Variants in MEIS2 observed in about 807,000 individuals in gnomAD.
MEIS2 encodes Meis homeobox 2.
Under a neutral mutation model 58.6 loss-of-function variants are expected in MEIS2, and 9 were observed. The ratio of observed to expected loss-of-function variants is 0.15; its 90% confidence interval spans 0.09 to 0.27. MEIS2 has a LOEUF of 0.27. Among genes scored for constraint, MEIS2 ranks in the 10% least tolerant of loss-of-function variants. The pLI is 1.00. For missense variants in MEIS2, 427 were observed against 635.0 expected (o/e 0.67, Z 3.52); for synonymous variants, 221 against 228.4 (o/e 0.97, Z 0.29).
intron 8 of MEIS2, among the ~76,000 whole-genome samples, chr15:37,000,975 G>A (rs538808877): frequency 6.6e-6 from 1 of 152,002 alleles, no homozygotes; most frequent in Non-Finnish European, 1.5e-5. Flanking sequence ...AGACTCTACA[G>A]ACCGAAAGGT....
intron 8 of MEIS2, among the ~76,000 whole-genome samples, chr15:36,988,637 A>T (rs72710617): frequency 0.061 from 9,291 of 152,296 alleles, 399 homozygotes; most frequent in South Asian, 0.088. Context: ...GAAGGAAAAG[A>T]TTTATTAAAG....
intron 7 of MEIS2, among the ~76,000 whole-genome samples, chr15:37,055,983 A>G (rs929996648): frequency 3.3e-5 from 5 of 152,200 alleles, no homozygotes; most frequent in Non-Finnish European, 5.9e-5. Context: ...GAATATCTTT[A>G]TTAGCATCAA....
At chr15:37,081,694 C>T (rs1319434932) in intron 7 of MEIS2, among the ~76,000 whole-genome samples, 1 of 151,634 alleles carries the variant, frequency 6.6e-6, no homozygotes, top group Non-Finnish European at 1.5e-5. Context: ...TTTTTTCTTT[C>T]AAACTTCGAT....
At chr15:37,003,902 A>G (rs940410972) in intron 8 of MEIS2, among the ~76,000 whole-genome samples, 1 of 152,196 alleles carries the variant, frequency 6.6e-6, no homozygotes, top group Non-Finnish European at 1.5e-5. Flanking sequence ...ACCGGGAAGT[A>G]AGCCGTCACC....
chr15:36,942,696 TC>T (rs1178619712), intron 9 of MEIS2, among the ~76,000 whole-genome samples: 3 of 152,076 alleles, frequency 2.0e-5, no homozygotes, highest in Non-Finnish European at 4.4e-5. Context: ...AGCACTTATT[TC>T]TCTGAGAGTG....
chr15:36,953,482 G>A (rs933421324), intron 8 of MEIS2, among the ~76,000 whole-genome samples: 1 of 152,174 alleles, frequency 6.6e-6, no homozygotes, highest in South Asian at 2.1e-4. Flanking sequence ...TCTGTTCACT[G>A]TTGGGGGCCA....
chr15:36,948,800 C>T (rs987025178), intron 9 of MEIS2, among the ~76,000 whole-genome samples: 8 of 151,854 alleles, frequency 5.3e-5, no homozygotes, highest in Non-Finnish European at 1.2e-4. Context: ...CACTATGAAG[C>T]GCCTATCAAT....
At chr15:37,002,257 C>T (rs1555447977) in intron 8 of MEIS2, among the ~76,000 whole-genome samples, 2 of 151,428 alleles carry the variant, frequency 1.3e-5, no homozygotes, top group Admixed American at 6.6e-5. Context: ...CTCCAGCCCC[C>T]ACCCCCACCC....
chr15:36,975,941 T>C (rs892616781), intron 8 of MEIS2, among the ~76,000 whole-genome samples: 4 of 152,250 alleles, frequency 2.6e-5, no homozygotes, highest in Non-Finnish European at 5.9e-5. Context: ...TTCCACAATG[T>C]ATATGTATTT....
chr15:37,053,446 G>A (rs541723667), intron 7 of MEIS2, among the ~76,000 whole-genome samples: 1 of 152,250 alleles, frequency 6.6e-6, no homozygotes, highest in Non-Finnish European at 1.5e-5. Context: ...CTTCATAGCT[G>A]TAAAACTATT....
At position 36,994,783 on chromosome 15, in the gene MEIS2, C is replaced by T. The variant is rs571989001; in HGVS notation, c.900+42031G>A. On this transcript the variant is annotated intron_variant, in intron 8 of 11. Transcript: ENST00000561208. ...AATACATAGAACCATGAATTATATT[C>T]CACAGCATCCCTTTTAAAGTGCGTT... Among the ~76,000 whole-genome samples, 25 of 152,290 alleles carry T rather than the reference C, an allele frequency of 1.6e-4. No individual in the cohort carries two copies. In the South Asian group the frequency reaches 5.2e-3, roughly 32 times the overall value.
At chr15:37,064,965 C>A (rs1397078986) in intron 7 of MEIS2, among the ~76,000 whole-genome samples, 1 of 152,116 alleles carries the variant, frequency 6.6e-6, no homozygotes, top group Non-Finnish European at 1.5e-5. Context: ...CTTTTTAGAT[C>A]TTTAGCACAG....
chr15:37,071,039 C>T (rs962980469), intron 7 of MEIS2, among the ~76,000 whole-genome samples: 2 of 151,970 alleles, frequency 1.3e-5, no homozygotes, highest in Non-Finnish European at 2.9e-5. Context: ...GTCACTACCC[C>T]CATTCAAAAT....
At chr15:37,072,195 T>C (rs1000624730) in intron 7 of MEIS2, among the ~76,000 whole-genome samples, 1 of 152,136 alleles carries the variant, frequency 6.6e-6, no homozygotes, top group Non-Finnish European at 1.5e-5. Flanking sequence ...TTTTTAAAAA[T>C]GTAAACCCCA....
intron 8 of MEIS2, among the ~76,000 whole-genome samples, chr15:36,995,143 C>T (rs1484585916): frequency 2.6e-5 from 4 of 152,180 alleles, no homozygotes; most frequent in Non-Finnish European, 5.9e-5. Context: ...CCCAACGATG[C>T]AACAAACGTC....
chr15:36,950,216 C>T lies in MEIS2; in HGVS notation c.977+108G>A, dbSNP rs181935615. 67 of 974,452 alleles carry T rather than the reference C, an allele frequency of 6.9e-5. 1 individual carries two copies. Among genetic ancestry groups the T allele is most frequent in the Admixed American group, 2.0e-4 (9 of 44,960 alleles). The allele number at this position is 974,452 out of a possible 1,614,324, so 60.4% of individuals were successfully genotyped here. On this transcript the variant is annotated intron_variant, in intron 9 of 11. Coordinates refer to ENST00000561208, the MANE Select transcript of MEIS2 (RefSeq NM_170675.5). Reference sequence around the variant, plus strand: ...CTCGAGGTAGAAACACAGAAGTTATCCTCCTCGATTTCATTTGTTTTAGAA... The same window carrying T: ...CTCGAGGTAGAAACACAGAAGTTATTCTCCTCGATTTCATTTGTTTTAGAA...
intron 8 of MEIS2, among the ~76,000 whole-genome samples, chr15:37,005,372 C>A (rs189159064): frequency 6.6e-6 from 1 of 152,328 alleles, no homozygotes; most frequent in East Asian, 1.9e-4. Context: ...GTTGACTTAA[C>A]TGAAAGCACG....
intron 8 of MEIS2, among the ~76,000 whole-genome samples, chr15:37,026,044 C>A (rs116791460): frequency 5.2e-4 from 79 of 151,892 alleles, no homozygotes; most frequent in African/African-American, 1.8e-3. Context: ...TCTCTTACTA[C>A]TTTAAAAAAA....
chr15:36,994,779 T>C (rs1595887485), intron 8 of MEIS2, among the ~76,000 whole-genome samples: 3 of 152,256 alleles, frequency 2.0e-5, no homozygotes, highest in Non-Finnish European at 4.4e-5. Context: ...CCATGAATTA[T>C]ATTCCACAGC....
Sources: allele counts gnomAD v4.1 joint callset (sites outside exome capture counted in the v4.1 genomes callset), GRCh38; gene constraint gnomAD v4.1.1; transcripts MANE v1.5; gene names NCBI Gene and HGNC (gene_info 2026-07-23, HGNC 2026-07-21).